Variants in ADORA2A observed in about 807,000 individuals in gnomAD.
ADORA2A encodes adenosine receptor A2a.
A neutral mutation model predicts 18.4 loss-of-function variants in ADORA2A; 11 were observed. The observed-to-expected ratio is 0.60, with a 90% confidence interval of 0.38 to 0.99. The LOEUF (loss-of-function observed/expected upper bound fraction) is 0.99. ADORA2A is among the 50% of genes least tolerant of loss of function. The probability of loss-of-function intolerance (pLI) is 0.01; values close to 1 mark genes in which losing one functional copy is unlikely to be tolerated. For missense variants in ADORA2A, 449 were observed against 556.1 expected, an observed-to-expected ratio of 0.81 and a Z score of 1.94; for synonymous variants, 218 against 237.3, an observed-to-expected ratio of 0.92 and a Z score of 0.75.
chr22:24,439,869 T>C (rs1172098345), intron 2 of ADORA2A, among the ~76,000 whole-genome samples: 1 of 152,138 alleles, frequency 6.6e-6, no homozygotes, highest in East Asian at 1.9e-4. Context: ...TAACAAGTAA[T>C]TCTCTCATTT....
chr22:24,439,946 C>T (rs1227748454), intron 2 of ADORA2A, among the ~76,000 whole-genome samples: 1 of 152,174 alleles, frequency 6.6e-6, no homozygotes, highest in African/African-American at 2.4e-5. Context: ...GGGACCTCCT[C>T]CCCTCTTTTA....
Position 24,433,112 on chromosome 22 carries a change from A to C in ADORA2A, c.-274-19A>C, listed in dbSNP as rs1399608324. 1 of 532,924 alleles carries C rather than the reference A, an allele frequency of 1.9e-6. No homozygotes were observed. Among genetic ancestry groups the C allele is most frequent in the Admixed American group, 3.3e-5 (1 of 30,220 alleles). The allele number at this position is 532,924 out of a possible 1,614,324, so 33.0% of individuals were successfully genotyped here. A position where few individuals can be genotyped will look rare whatever the true frequency, so the allele number is the denominator to read the frequency against. On this transcript the variant is annotated intron_variant, in intron 1 of 2. Coordinates refer to ENST00000337539, the MANE Select transcript of ADORA2A (RefSeq NM_000675.6). ...CCCTCTGCAGATGGTTCAGCTTCTC[A>C]TCGGCTGTCCCTTTGCAGGTGCCTC...
intron 2 of ADORA2A, chr22:24,439,368 A>C: frequency 6.6e-6 from 1 of 151,714 alleles, no homozygotes; most frequent in East Asian, 1.9e-4. Flanking sequence ...GCCTCCTTGC[A>C]CCTTCTGAGT....
chr22:24,433,232 C>T lies in ADORA2A; in HGVS notation c.-173C>T. The T allele has an allele frequency of 1.6e-6, 1 of 632,106 alleles. No individual in the cohort carries two copies. Among genetic ancestry groups the T allele is most frequent in the Non-Finnish European group, 2.7e-6 (1 of 365,876 alleles). The allele number at this position is 632,106 out of a possible 1,614,324, so 39.2% of individuals were successfully genotyped here. A position where few individuals can be genotyped will look rare whatever the true frequency, so the allele number is the denominator to read the frequency against. Reference sequence around the variant, plus strand: ...GACTCAGAGTCCTCTGTGAAAAAGCCCTTGGAGAGCGCCCCAGCAGGGCTG... The same window carrying T: ...GACTCAGAGTCCTCTGTGAAAAAGCTCTTGGAGAGCGCCCCAGCAGGGCTG... On this transcript the variant is annotated 5_prime_UTR_variant, in exon 2 of 3. Transcript: ENST00000337539.
intron 1 of ADORA2A, chr22:24,430,164 C>T (rs1183965648): frequency 6.6e-6 from 1 of 152,478 alleles, no homozygotes; most frequent in Non-Finnish European, 1.5e-5. Context: ...AGAGTGGATT[C>T]TGGCTTGGCA....
At chr22:24,433,814 CCTGGGAT>C in intron 2 of ADORA2A, 78 bp downstream of exon 2, 1 of 1,475,656 alleles carries the variant, frequency 6.8e-7, no homozygotes, top group Non-Finnish European at 9.1e-7. Flanking sequence ...CCAGGGTGAG[CCTGGGAT>C]CAGGGCCTGG....
rs368825603 is a variant in ADORA2A, at chr22:24,433,371, G to T, written c.-34G>T. 6 of 1,563,566 alleles carry T rather than the reference G, an allele frequency of 3.8e-6. No homozygotes were observed. The highest frequency in any genetic ancestry group is 5.2e-6 in the Non-Finnish European group (6 of 1,153,316). On this transcript the variant is annotated 5_prime_UTR_variant, in exon 2 of 3. Coordinates refer to ENST00000337539, the MANE Select transcript of ADORA2A (RefSeq NM_000675.6). ...AATGGACCGTGAGCTGGCCCAGCCC[G>T]CGTCCGTGCTGAGCCTGCCTGTCGT...
At chr22:24,425,337 A>ACTC (rs1568940744), upstream of ADORA2A, among the ~76,000 whole-genome samples, 103 of 82,306 alleles carry the variant, frequency 1.3e-3, no homozygotes, top group Non-Finnish European at 1.9e-3. Flanking sequence ...TGTGGGCAGC[A>ACTC]CCCCCCCCCC....
intron 2 of ADORA2A, among the ~76,000 whole-genome samples, chr22:24,437,891 C>A (rs2043218589): frequency 6.6e-6 from 1 of 152,240 alleles, no homozygotes; most frequent in African/African-American, 2.4e-5. Flanking sequence ...TTCACTGATT[C>A]AATAAACATT....
At chr22:24,426,222 G>C (rs146017461), upstream of ADORA2A, among the ~76,000 whole-genome samples, 1 of 152,318 alleles carries the variant, frequency 6.6e-6, no homozygotes, top group South Asian at 2.1e-4. Context: ...CCTAATACCC[G>C]AGCCACCTAA....
At chr22:24,433,071 C>G in intron 1 of ADORA2A, 60 bp from the exon 2 acceptor site, 1 of 422,570 alleles carries the variant, frequency 2.4e-6, no homozygotes, top group Non-Finnish European at 4.4e-6. Flanking sequence ...AGGGGTGGCA[C>G]TTTCCGCAGG....
At chr22:24,433,820 A>T in intron 2 of ADORA2A, 84 bp downstream of exon 2, 1 of 1,444,612 alleles carries the variant, frequency 6.9e-7, no homozygotes, top group African/African-American at 1.4e-5. Flanking sequence ...TGAGCCTGGG[A>T]TCAGGGCCTG....
At position 24,440,563 on chromosome 22, in the gene ADORA2A, T is replaced by C. The variant is rs2043313452; in HGVS notation, c.333-20T>C. ...TAACCCTGGCTTCTCAGATCTCTGA[T>C]GCTGGTCTCTTCTCCCCAGGTACAA... On this transcript the variant is annotated intron_variant, in intron 2 of 2. Coordinates refer to ENST00000337539, the MANE Select transcript of ADORA2A (RefSeq NM_000675.6). 1.3e-6 allele frequency: 2 copies of C among 1,535,180 alleles called. No homozygotes were observed. Among genetic ancestry groups the C allele is most frequent in the Non-Finnish European group, 1.8e-6 (2 of 1,141,706 alleles).
At chr22:24,430,887 G>A (rs1004527042) in intron 1 of ADORA2A, 3 of 355,842 alleles carry the variant, frequency 8.4e-6, no homozygotes, top group Non-Finnish European at 5.5e-6. Context: ...GGGCCTCACT[G>A]GACAGTCGCC....
intron 2 of ADORA2A, among the ~76,000 whole-genome samples, chr22:24,436,118 G>A (rs2043170409): frequency 6.6e-6 from 1 of 152,244 alleles, no homozygotes; most frequent in South Asian, 2.1e-4. Flanking sequence ...GGCCCTTCAG[G>A]CTGTTCCTGG....
chr22:24,439,825 T>C (rs1347322570), intron 2 of ADORA2A, among the ~76,000 whole-genome samples: 1 of 152,162 alleles, frequency 6.6e-6, no homozygotes, highest in Non-Finnish European at 1.5e-5. Context: ...ACCTCAGTAT[T>C]TCCTTGCAAA....
At chr22:24,431,350 C>T (rs1451167932) in intron 1 of ADORA2A, 5 of 456,448 alleles carry the variant, frequency 1.1e-5, no homozygotes, top group Middle Eastern at 3.2e-4. Context: ...GCAGGAGAAC[C>T]TCCAGTCCCA....
rs564105668 is a variant in ADORA2A, at chr22:24,434,597, G to T, written c.332+861G>T. Among the ~76,000 whole-genome samples the T allele has an allele frequency of 1.3e-4, 20 of 152,352 alleles. No individual in the cohort carries two copies. In the South Asian group the frequency reaches 3.5e-3, roughly 27 times the overall value. On this transcript the variant is annotated intron_variant, in intron 2 of 2. Coordinates refer to ENST00000337539, the MANE Select transcript of ADORA2A (RefSeq NM_000675.6). The stretch of plus-strand genomic sequence containing the variant: ...CTCTGCCACAGAGCTGGGTTCCACA[G>T]CCTGGGTGGTTGTGGGCCCTGAGGC...
intron 1 of ADORA2A, chr22:24,430,770 T>C: frequency 3.5e-6 from 1 of 284,136 alleles, no homozygotes; most frequent in South Asian, 3.2e-5. Context: ...TAGCCTGGGA[T>C]GGTCAGATTG....
Sources: allele counts gnomAD v4.1 joint callset (sites outside exome capture counted in the v4.1 genomes callset), GRCh38; gene constraint gnomAD v4.1.1; transcripts MANE v1.5; gene names NCBI Gene and HGNC (gene_info 2026-07-23, HGNC 2026-07-21).